TRPM3: variants seen among roughly 807,000 people sequenced by gnomAD.
TRPM3 encodes the protein long transient receptor potential channel 3.
TRPM3 carries 77 observed loss-of-function variants against 181.2 expected under a neutral mutation model. The ratio of observed to expected loss-of-function variants is 0.42; its 90% CI spans 0.35 to 0.51. The LOEUF is 0.51. Among genes scored for constraint, TRPM3 ranks in the 20% least tolerant of loss-of-function variants. The pLI is 0.01. For synonymous variants in TRPM3, 745 were observed against 796.4 expected, an observed-to-expected ratio of 0.94 and a Z score of 1.09; for missense variants, 1,759 against 2,196.7, an observed-to-expected ratio of 0.80 and a Z score of 3.98.
chr9:70,681,444 T>C, intron 9 of TRPM3, 62 bp downstream of exon 9: 1 of 1,370,000 alleles, frequency 7.3e-7, no homozygotes, highest in South Asian at 1.2e-5. Flanking sequence ...TTAGGAGACA[T>C]AAGGTCACTG....
intron 25 of TRPM3, among the ~76,000 whole-genome samples, chr9:70,549,332 C>A (rs1181902166): frequency 6.6e-6 from 1 of 152,212 alleles, no homozygotes; most frequent in African/African-American, 2.4e-5. Flanking sequence ...GCTGCTACTG[C>A]CTGCTAGAGA....
At chr9:71,150,516 T>C (rs1028405571) in intron 1 of TRPM3, among the ~76,000 whole-genome samples, 3 of 152,172 alleles carry the variant, frequency 2.0e-5, no homozygotes, top group African/African-American at 7.2e-5. Flanking sequence ...TTCAATACTA[T>C]GTCAAATTTG....
intron 9 of TRPM3, among the ~76,000 whole-genome samples, chr9:70,674,308 A>G (rs1453960186): frequency 1.3e-5 from 2 of 152,252 alleles, no homozygotes; most frequent in Non-Finnish European, 2.9e-5. Flanking sequence ...ATTATTGGAC[A>G]TAAACTACTT....
At chr9:70,675,713 T>C (rs1262671300) in intron 9 of TRPM3, among the ~76,000 whole-genome samples, 1 of 152,220 alleles carries the variant, frequency 6.6e-6, no homozygotes, top group Non-Finnish European at 1.5e-5. Context: ...TTCATAGCTA[T>C]GTGATTTCTA....
At chr9:71,246,910 T>C (rs1343817611) in intron 1 of TRPM3, among the ~76,000 whole-genome samples, 1 of 152,214 alleles carries the variant, frequency 6.6e-6, no homozygotes, top group Non-Finnish European at 1.5e-5. Context: ...AAAGGTTACC[T>C]CTCAGAATAT....
At chr9:71,056,562 C>G (rs1435394727) in intron 1 of TRPM3, among the ~76,000 whole-genome samples, 1 of 151,938 alleles carries the variant, frequency 6.6e-6, no homozygotes, top group East Asian at 1.9e-4. Flanking sequence ...CAGAATGTGA[C>G]TGTATTTGGA....
At chr9:71,120,110 A>G (rs903765343) in intron 1 of TRPM3, among the ~76,000 whole-genome samples, 2 of 152,202 alleles carry the variant, frequency 1.3e-5, no homozygotes, top group African/African-American at 4.8e-5. Flanking sequence ...ACCAGAACAC[A>G]TCCTCAGAAC....
At chr9:71,242,773 C>A (rs961554678) in intron 1 of TRPM3, among the ~76,000 whole-genome samples, 13 of 152,126 alleles carry the variant, frequency 8.5e-5, no homozygotes, top group African/African-American at 3.1e-4. Context: ...CATCACCTTT[C>A]ATCATCCATT....
At chr9:70,545,818 G>T (rs2044724602) in intron 25 of TRPM3, among the ~76,000 whole-genome samples, 1 of 152,062 alleles carries the variant, frequency 6.6e-6, no homozygotes, top group Admixed American at 6.6e-5. Context: ...AAAGTGCTGG[G>T]GTTACAGGTG....
At chr9:71,332,083 T>C (rs981138443) in intron 1 of TRPM3, among the ~76,000 whole-genome samples, 1 of 151,164 alleles carries the variant, frequency 6.6e-6, no homozygotes, top group African/African-American at 2.4e-5. Context: ...TTCTGGTTAA[T>C]TGAACACACT....
intron 1 of TRPM3, among the ~76,000 whole-genome samples, chr9:71,409,258 A>G (rs1244955122): frequency 6.6e-6 from 1 of 152,186 alleles, no homozygotes; most frequent in East Asian, 1.9e-4. Context: ...ACATATAACA[A>G]TATTAACCTT....
At chr9:70,762,496 A>G (rs999909468) in intron 7 of TRPM3, among the ~76,000 whole-genome samples, 1 of 152,196 alleles carries the variant, frequency 6.6e-6, no homozygotes, top group Non-Finnish European at 1.5e-5. Flanking sequence ...TTTCTCTACT[A>G]GCCATTAAAT....
rs2041582869 is a variant in TRPM3, at chr9:70,535,847, C to T, written c.*106G>A. 2.7e-6 allele frequency: 4 copies of T among 1,509,436 alleles called. No individual in the cohort carries two copies. Among genetic ancestry groups the T allele is most frequent in the Middle Eastern group, 1.8e-4 (1 of 5,592 alleles). 93.5% of individuals were successfully genotyped at this position (1,509,436 alleles called of 1,614,324 possible). ...CTCCCAAAGCATTGCTTGTTTTGCT[C>T]AGCTAAGAATAAAGCAGGTATGATT... On this transcript the variant is annotated 3_prime_UTR_variant, in exon 26 of 26. Coordinates refer to ENST00000677713, the MANE Select transcript of TRPM3 (RefSeq NM_001366145.2).
At chr9:71,102,301 T>C (rs2068551479) in intron 1 of TRPM3, among the ~76,000 whole-genome samples, 1 of 152,206 alleles carries the variant, frequency 6.6e-6, no homozygotes, top group Non-Finnish European at 1.5e-5. Context: ...AATTTTTACT[T>C]GTCATTGAGT....
chr9:70,769,252 C>T (rs1347369795), intron 7 of TRPM3, among the ~76,000 whole-genome samples: 1 of 152,132 alleles, frequency 6.6e-6, no homozygotes, highest in Non-Finnish European at 1.5e-5. Flanking sequence ...ACACATATCC[C>T]ATAAATACTG....
rs182429588 is a variant in TRPM3, at chr9:70,553,100, C to T, written c.3375-57G>A. Reference sequence around the variant, plus strand: ...AAAAACCCACTGTTTTCTGAAGCATCGACTCCCCTTCACCCCTGCTGTCCT... The same window carrying T: ...AAAAACCCACTGTTTTCTGAAGCATTGACTCCCCTTCACCCCTGCTGTCCT... On this transcript the variant is annotated intron_variant, in intron 23 of 25. Transcript: ENST00000677713. 6,682 of 1,613,216 alleles carry T rather than the reference C, an allele frequency of 4.1e-3. 15 individuals are homozygous for T. The highest frequency in any genetic ancestry group is 4.9e-3 in the Non-Finnish European group (5,828 of 1,179,182).
At chr9:70,647,627 G>A (rs1221014286) in intron 9 of TRPM3, among the ~76,000 whole-genome samples, 2 of 152,066 alleles carry the variant, frequency 1.3e-5, no homozygotes, top group Non-Finnish European at 2.9e-5. Context: ...CTTGAGAACT[G>A]GAACAAGACA....
chr9:71,300,785 A>T (rs576831531), intron 1 of TRPM3, among the ~76,000 whole-genome samples: 2 of 152,272 alleles, frequency 1.3e-5, no homozygotes, highest in East Asian at 3.9e-4. Flanking sequence ...TGTGATTTTA[A>T]ATTCTGAAAT....
intron 1 of TRPM3, chr9:70,917,586 T>C (rs1250732449): frequency 1.8e-6 from 1 of 553,846 alleles, no homozygotes; most frequent in Admixed American, 3.0e-5. Flanking sequence ...CTTAAAATAA[T>C]GGCTTATACT....
Sources: gnomAD v4.1 joint callset for allele counts (sites outside exome capture counted in the v4.1 genomes callset) on GRCh38, gnomAD v4.1.1 for gene constraint, MANE v1.5 for transcripts, NCBI Gene and HGNC (gene_info 2026-07-23, HGNC 2026-07-21) for gene names.